The following CTBP2 variants were observed in gnomAD, a reference collection of about 807,000 sequenced individuals.
CTBP2 encodes C-terminal binding protein 2, also known as C-terminal-binding protein 2.
A neutral mutation model predicts 80.3 loss-of-function variants in CTBP2; 30 were observed. That is an observed-to-expected ratio of 0.37 (90% confidence interval 0.28 to 0.51). CTBP2 has a LOEUF of 0.51. Among genes scored for constraint, CTBP2 ranks in the 20% least tolerant of loss-of-function variants. CTBP2 has a pLI of 0.93. For missense variants in CTBP2, 1,212 were observed against 1,375.3 expected, an observed-to-expected ratio of 0.88 and a Z score of 1.88; for synonymous variants, 594 against 587.4, an observed-to-expected ratio of 1.01 and a Z score of -0.16.
chr10:125,133,264 C>T (rs1384329659), intron 1 of CTBP2, among the ~76,000 whole-genome samples: 2 of 152,186 alleles, frequency 1.3e-5, no homozygotes, highest in Non-Finnish European at 2.9e-5. Flanking sequence ...GTATGACCTT[C>T]AGCATCAAGC....
chr10:125,011,624 T>C (rs1473374151), intron 1 of CTBP2, among the ~76,000 whole-genome samples: 5 of 152,102 alleles, frequency 3.3e-5, no homozygotes, highest in Admixed American at 2.0e-4. Context: ...AAAACGAAGC[T>C]CATCTGCAAC....
chr10:125,031,238 C>T (rs1205819570), upstream of CTBP2, among the ~76,000 whole-genome samples: 1 of 152,128 alleles, frequency 6.6e-6, no homozygotes, highest in Non-Finnish European at 1.5e-5. Context: ...CCTGTAATCC[C>T]AGCACTTTGG....
chr10:125,148,659 C>T (rs999837016), intron 1 of CTBP2, among the ~76,000 whole-genome samples: 1 of 152,196 alleles, frequency 6.6e-6, no homozygotes, highest in Non-Finnish European at 1.5e-5. Context: ...AGAGCCTCAA[C>T]TAAGACATTC....
intron 2 of CTBP2, among the ~76,000 whole-genome samples, chr10:125,042,088 G>T (rs180976945): frequency 6.6e-6 from 1 of 152,000 alleles, no homozygotes; most frequent in Non-Finnish European, 1.5e-5. Flanking sequence ...GGCTCCCAAG[G>T]CCACCAGCCT....
At chr10:125,055,750 A>G (rs1963759520) in intron 2 of CTBP2, among the ~76,000 whole-genome samples, 1 of 152,250 alleles carries the variant, frequency 6.6e-6, no homozygotes, top group Admixed American at 6.5e-5. Context: ...AAAGAAAAAA[A>G]TCAAAGAGGC....
In CTBP2 at chr10:124,987,757, CTTGTT is replaced by C. The variant is rs1382775323; in HGVS notation, c.*1756_*1760del. 2.6e-5 allele frequency: 4 copies of C among 152,094 alleles called. No homozygotes were observed. The highest frequency in any genetic ancestry group is 3.9e-4 in the East Asian group (2 of 5,194). 9.4% of individuals were successfully genotyped at this position (152,094 alleles called of 1,614,324 possible). Reference sequence around the variant, plus strand: ...AAAGGCTTTAAGACACCATGATTTTCTTGTTTTGTTTTAATTGGGAAGGGAAGTAT... The same window carrying C: ...AAAGGCTTTAAGACACCATGATTTTCTTGTTTTAATTGGGAAGGGAAGTAT... On this transcript the variant is annotated 3_prime_UTR_variant, in exon 9 of 9. Coordinates refer to ENST00000309035, the MANE Select transcript of CTBP2 (RefSeq NM_022802.3).
intron 2 of CTBP2, among the ~76,000 whole-genome samples, chr10:125,081,974 C>T (rs1847238463): frequency 6.6e-6 from 1 of 152,020 alleles, no homozygotes; most frequent in Admixed American, 6.6e-5. Flanking sequence ...AACCCCAGGC[C>T]AGCATGGTCA....
chr10:125,070,622 G>A (rs1484178237), intron 2 of CTBP2, among the ~76,000 whole-genome samples: 1 of 150,906 alleles, frequency 6.6e-6, no homozygotes, highest in Non-Finnish European at 1.5e-5. Context: ...TGGGTGTGAG[G>A]TATATGAAAT....
chr10:125,036,426 G>A (rs1411044305), intron 3 of CTBP2, among the ~76,000 whole-genome samples: 1 of 151,942 alleles, frequency 6.6e-6, no homozygotes, highest in East Asian at 1.9e-4. Flanking sequence ...AGAGCAGGAA[G>A]ACAAAGTTCC....
chr10:125,044,371 G>A (rs1960698330), intron 2 of CTBP2, among the ~76,000 whole-genome samples: 1 of 152,242 alleles, frequency 6.6e-6, no homozygotes, highest in Non-Finnish European at 1.5e-5. Flanking sequence ...TACGGTGCCA[G>A]TTAACAGGGC....
chr10:125,093,678 G>C (rs1849117608), intron 2 of CTBP2, among the ~76,000 whole-genome samples: 1 of 152,204 alleles, frequency 6.6e-6, no homozygotes, highest in African/African-American at 2.4e-5. Flanking sequence ...CCTTGCCTTG[G>C]GGAAAGACTG....
intron 2 of CTBP2, among the ~76,000 whole-genome samples, chr10:125,054,730 T>C (rs1474237562): frequency 1.3e-5 from 2 of 152,132 alleles, no homozygotes; most frequent in African/African-American, 2.4e-5. Context: ...ATAAAAACAG[T>C]AATACATTTG....
At chr10:125,051,731 T>C (rs1962823176) in intron 2 of CTBP2, among the ~76,000 whole-genome samples, 1 of 152,020 alleles carries the variant, frequency 6.6e-6, no homozygotes, top group Middle Eastern at 3.2e-3. Flanking sequence ...GGTTGAATTA[T>C]GGACCCCCCT....
chr10:125,024,315 A>T (rs1202618922), intron 1 of CTBP2, among the ~76,000 whole-genome samples: 1 of 152,224 alleles, frequency 6.6e-6, no homozygotes, highest in East Asian at 1.9e-4. Context: ...GGATCATTTA[A>T]CAGAGACATT....
intron 2 of CTBP2, among the ~76,000 whole-genome samples, chr10:125,058,948 G>T (rs78453308): frequency 6.6e-6 from 1 of 152,084 alleles, no homozygotes; most frequent in African/African-American, 2.4e-5. Flanking sequence ...TTCTTCACAC[G>T]GAGATTCCAC....
chr10:125,005,558 C>A, intron 1 of CTBP2: 1 of 1,611,138 alleles, frequency 6.2e-7, no homozygotes, highest in Non-Finnish European at 8.5e-7. Flanking sequence ...AGCCCACGAC[C>A]TGTATGAGTG....
upstream of CTBP2, among the ~76,000 whole-genome samples, chr10:125,032,392 C>A (rs536971545): frequency 1.3e-5 from 2 of 152,212 alleles, no homozygotes; most frequent in Non-Finnish European, 2.9e-5. Flanking sequence ...GGCTGTCCTG[C>A]GATCAGAAGG....
At chr10:124,997,678 C>T (rs776114093) in intron 4 of CTBP2, 27 of 497,884 alleles carry the variant, frequency 5.4e-5, no homozygotes, top group South Asian at 5.0e-4. Context: ...ATTTACTGGG[C>T]ACAGCGCCTT....
intron 1 of CTBP2, among the ~76,000 whole-genome samples, chr10:125,120,569 C>T (rs1854148719): frequency 6.6e-6 from 1 of 152,130 alleles, no homozygotes; most frequent in African/African-American, 2.4e-5. Flanking sequence ...CTATTTTCTG[C>T]AGAGACAGGG....
Sources: gnomAD v4.1 joint callset for allele counts (sites outside exome capture counted in the v4.1 genomes callset) on GRCh38, gnomAD v4.1.1 for gene constraint, MANE v1.5 for transcripts, NCBI Gene and HGNC (gene_info 2026-07-23, HGNC 2026-07-21) for gene names.